The following NCKAP1L variants were observed in gnomAD, a reference collection of about 807,000 sequenced individuals.
NCKAP1L encodes NCK associated protein 1 like.
Under a neutral mutation model 139.2 loss-of-function variants are expected in NCKAP1L, and 53 were observed. The ratio of observed to expected loss-of-function variants is 0.38; its 90% confidence interval spans 0.31 to 0.48. The LOEUF is 0.48. NCKAP1L is among the 20% of genes least tolerant of loss of function. NCKAP1L has a pLI of 0.98. For synonymous variants in NCKAP1L, 468 were observed against 499.7 expected, an observed-to-expected ratio of 0.94 and a Z score of 0.85; for missense variants, 1,151 against 1,381.9, an observed-to-expected ratio of 0.83 and a Z score of 2.65.
At chr12:54,516,379 T>A in intron 10 of NCKAP1L, 84 bp downstream of exon 10, 1 of 1,280,030 alleles carries the variant, frequency 7.8e-7, no homozygotes, top group Non-Finnish European at 1.1e-6. Flanking sequence ...CCATCCTTAG[T>A]TTCTGTACAG....
chr12:54,526,120 G>C (rs1479571424), intron 20 of NCKAP1L, among the ~76,000 whole-genome samples: 1 of 152,150 alleles, frequency 6.6e-6, no homozygotes, highest in Non-Finnish European at 1.5e-5. Context: ...TTCTTTTCAA[G>C]GGGAAAAGAT....
intron 28 of NCKAP1L, 126 bp downstream of exon 28, chr12:54,536,371 A>G: frequency 1.4e-6 from 1 of 724,606 alleles, no homozygotes; most frequent in Non-Finnish European, 2.4e-6. Flanking sequence ...TTCAAAAAGC[A>G]CTTGAAGGCT....
chr12:54,501,700 A>G (rs1218472600), intron 3 of NCKAP1L, among the ~76,000 whole-genome samples: 1 of 152,022 alleles, frequency 6.6e-6, no homozygotes, highest in Non-Finnish European at 1.5e-5. Flanking sequence ...GAGATGGGGT[A>G]TCCCCATGTT....
chr12:54,510,457 G>A (rs1220688910), intron 7 of NCKAP1L: 2 of 307,518 alleles, frequency 6.5e-6, no homozygotes, highest in Middle Eastern at 5.3e-4. Context: ...CCGAGTAGCT[G>A]GGACTACAGG....
At chr12:54,500,125 T>C (rs1956785369) in intron 2 of NCKAP1L, among the ~76,000 whole-genome samples, 1 of 23,718 alleles carries the variant, frequency 4.2e-5, no homozygotes, top group Non-Finnish European at 5.8e-5. Context: ...TCTTTTCTTT[T>C]CTTTTTTTTT....
chr12:54,498,619 C>T (rs190952978), intron 1 of NCKAP1L, among the ~76,000 whole-genome samples: 182 of 152,118 alleles, frequency 1.2e-3, no homozygotes, highest in African/African-American at 4.1e-3. Context: ...ACCAGGAACA[C>T]GGTTTCTCTG....
In NCKAP1L at chr12:54,531,594, C is replaced by T. The variant is rs1957072284; in HGVS notation, c.2698+10C>T. The T allele has an allele frequency of 6.2e-7, 1 of 1,613,726 alleles. No individual in the cohort carries two copies. Among genetic ancestry groups the T allele is most frequent in the African/African-American group, 1.3e-5 (1 of 75,034 alleles). The stretch of plus-strand genomic sequence containing the variant: ...CTGCCCCAGCTGACAGGTAAGCATC[C>T]TCTTCCCCTATAGTGAGAAGGAGCT... On this transcript the variant is annotated intron_variant, in intron 24 of 30. Coordinates refer to ENST00000293373, the MANE Select transcript of NCKAP1L (RefSeq NM_005337.5).
In NCKAP1L at chr12:54,523,576, G is replaced by A. The variant is rs780146840; in HGVS notation, c.2024+37G>A. 19 of 1,576,274 alleles carry A rather than the reference G, an allele frequency of 1.2e-5. No homozygotes were observed. In the Admixed American group the frequency reaches 3.6e-4, roughly 30 times the overall value. On this transcript the variant is annotated intron_variant, in intron 19 of 30. Transcript: ENST00000293373. ...GGCCCTAGATGGCCAGCTGGGTACT[G>A]CATCAAAGAAGGCAGGAAAGGAAAG...
chr12:54,531,213 C>T (rs760844109), intron 22 of NCKAP1L, 47 bp from the exon 23 acceptor site: 1 of 1,370,134 alleles, frequency 7.3e-7, no homozygotes, highest in African/African-American at 1.4e-5. Context: ...TACAAATACT[C>T]CAGTGCCTTC....
chr12:54,526,893 T>C, intron 21 of NCKAP1L, 147 bp downstream of exon 21: 4 of 668,958 alleles, frequency 6.0e-6, no homozygotes, highest in Non-Finnish European at 1.0e-5. Flanking sequence ...AATGGAGCAA[T>C]AACCTGAGAC....
chr12:54,511,890 T>C, intron 8 of NCKAP1L, 39 bp downstream of exon 8: 1 of 1,614,018 alleles, frequency 6.2e-7, no homozygotes. Flanking sequence ...GATGAAGCAG[T>C]ATGTTATATG....
chr12:54,509,890 C>G lies in NCKAP1L; in HGVS notation c.640C>G (p.Arg214Gly), dbSNP rs758668029. The change falls in exon 7 of 31, where the codon CGA becomes GGA. Residue 214 changes from arginine (R) to glycine (G), a missense_variant. By Grantham distance (125) the Arg-to-Gly change is moderately radical. Transcript: ENST00000293373. ...ALLSLHFLFV[R>G]RNQGAEQWRS... The stretch of plus-strand genomic sequence containing the variant: ...CCTCTCTTTGCATTTCCTCTTTGTC[C>G]GAAGAAACCAGGGGGCTGAGCAGTG... 2.5e-6 allele frequency: 4 copies of G among 1,614,046 alleles called. No homozygotes were observed. Among genetic ancestry groups the G allele is most frequent in the East Asian group, 2.2e-5 (1 of 44,894 alleles).
rs767765033 is a variant in NCKAP1L, at chr12:54,536,259, A to G, written c.3073+14A>G. 3.2e-6 allele frequency: 5 copies of G among 1,561,740 alleles called. No individual in the cohort carries two copies. Among genetic ancestry groups the G allele is most frequent in the Admixed American group, 1.7e-5 (1 of 59,902 alleles). On this transcript the variant is annotated intron_variant, in intron 28 of 30. Transcript: ENST00000293373. Reference sequence around the variant, plus strand: ...TTGAGAAGGATGGTAAGTAAGGGGTAGGTTTGAGACACCAGTGCTATTCAA... The same window carrying G: ...TTGAGAAGGATGGTAAGTAAGGGGTGGGTTTGAGACACCAGTGCTATTCAA...
intron 3 of NCKAP1L, among the ~76,000 whole-genome samples, chr12:54,504,301 C>T (rs1264879984): frequency 6.6e-6 from 1 of 151,986 alleles, no homozygotes; most frequent in Non-Finnish European, 1.5e-5. Flanking sequence ...TCTGTGCCTA[C>T]CCTAGGAAGC....
At chr12:54,507,540 A>T (rs926024768) in intron 3 of NCKAP1L, among the ~76,000 whole-genome samples, 2 of 152,208 alleles carry the variant, frequency 1.3e-5, no homozygotes, top group Non-Finnish European at 2.9e-5. Context: ...GCTACCTATT[A>T]GATAATCTAC....
In NCKAP1L at chr12:54,547,503, C is replaced by CAT. The variant is rs138016937; in HGVS notation, c.*4818_*4819insAT. 1 of 146,698 alleles carries CAT rather than the reference C, an allele frequency of 6.8e-6. No individual in the cohort carries two copies. The highest frequency in any genetic ancestry group is 1.5e-5 in the Non-Finnish European group (1 of 66,626). The allele number at this position is 146,698 out of a possible 1,614,324, so 9.1% of individuals were successfully genotyped here. A position where few individuals can be genotyped will look rare whatever the true frequency, so the allele number is the denominator to read the frequency against. ...TCACGAATAACTTTGTGTGTGTGTG[C>CAT]GTGTGTGTGTGTGTGTGTGTGTGTG... is the stretch of plus-strand genomic sequence containing the variant. On this transcript the variant is annotated 3_prime_UTR_variant, in exon 31 of 31. Transcript: ENST00000293373.
In NCKAP1L at chr12:54,538,993, T is replaced by C; in HGVS notation, c.3273+20T>C. On this transcript the variant is annotated intron_variant, in intron 30 of 30. Transcript: ENST00000293373. ...CGCTTGGTAAGTACCTTATTTAAATTGGTGTGAGAATAGGGAATGGAAGGG... is the reference window on the plus strand; with the variant it reads ...CGCTTGGTAAGTACCTTATTTAAATCGGTGTGAGAATAGGGAATGGAAGGG... 2 of 1,605,416 alleles carry C rather than the reference T, an allele frequency of 1.2e-6. No individual in the cohort carries two copies. Among genetic ancestry groups the C allele is most frequent in the Non-Finnish European group, 1.7e-6 (2 of 1,172,338 alleles).
chr12:54,531,192 T>A, intron 22 of NCKAP1L, 68 bp from the exon 23 acceptor site: 1 of 1,174,900 alleles, frequency 8.5e-7, no homozygotes, highest in South Asian at 1.3e-5. Context: ...CAAATTACCC[T>A]ATAGCTGTTG....
chr12:54,511,715 G>A, intron 7 of NCKAP1L, 88 bp from the exon 8 acceptor site: 2 of 1,468,572 alleles, frequency 1.4e-6, no homozygotes, highest in Non-Finnish European at 1.9e-6. Context: ...CCAAAAGTTA[G>A]TTTTGATACT....
Sources: gnomAD v4.1 joint callset for allele counts (sites outside exome capture counted in the v4.1 genomes callset) on GRCh38, gnomAD v4.1.1 for gene constraint, MANE v1.5 for transcripts, NCBI Gene and HGNC (gene_info 2026-07-23, HGNC 2026-07-21) for gene names.